CRIM1: variants seen among roughly 807,000 people sequenced by gnomAD.
CRIM1 encodes the protein cysteine rich transmembrane BMP regulator 1.
Under a neutral mutation model 116.4 loss-of-function variants are expected in CRIM1, and 32 were observed. That is an observed-to-expected ratio of 0.27 (90% CI 0.21 to 0.37). The LOEUF (loss-of-function observed/expected upper bound fraction) is 0.37. Among genes scored for constraint, CRIM1 ranks in the 10% least tolerant of loss-of-function variants. CRIM1 has a pLI of 1.00. For missense variants in CRIM1, 1,331 were observed against 1,354.8 expected (o/e 0.98, Z 0.28); for synonymous variants, 590 against 509.2 (o/e 1.16, Z -2.13).
At chr2:36,445,979 G>A in intron 4 of CRIM1, among the ~76,000 whole-genome samples, 1 of 152,168 alleles carries the variant, frequency 6.6e-6, no homozygotes, top group East Asian at 1.9e-4. Flanking sequence ...TAAGAGCATT[G>A]TTAAGAAATT....
At chr2:36,462,736 G>T (rs745380916) in intron 4 of CRIM1, among the ~76,000 whole-genome samples, 1 of 152,154 alleles carries the variant, frequency 6.6e-6, no homozygotes, top group Non-Finnish European at 1.5e-5. Flanking sequence ...CAGTATTCTA[G>T]CCCCATTTAT....
intron 1 of CRIM1, among the ~76,000 whole-genome samples, chr2:36,360,625 G>C (rs553646014): frequency 6.6e-6 from 1 of 152,224 alleles, no homozygotes; most frequent in African/African-American, 2.4e-5. Flanking sequence ...CTTATCCCTG[G>C]AAGACAGTCA....
intron 2 of CRIM1, among the ~76,000 whole-genome samples, chr2:36,403,211 A>C (rs556200094): frequency 6.6e-6 from 1 of 152,222 alleles, no homozygotes; most frequent in Non-Finnish European, 1.5e-5. Flanking sequence ...TGTGGAACCT[A>C]GTGCTGCTTG....
At chr2:36,372,245 T>C (rs1487109014) in intron 1 of CRIM1, among the ~76,000 whole-genome samples, 2 of 152,182 alleles carry the variant, frequency 1.3e-5, no homozygotes, top group African/African-American at 4.8e-5. Context: ...GAATGCACTT[T>C]AAGGCATTTA....
intron 1 of CRIM1, among the ~76,000 whole-genome samples, chr2:36,388,105 A>G (rs1247931085): frequency 6.6e-6 from 1 of 152,158 alleles, no homozygotes; most frequent in Non-Finnish European, 1.5e-5. Flanking sequence ...CTCACATTAA[A>G]AAATCTTTTT....
At chr2:36,481,311 T>G (rs1243749837) in intron 7 of CRIM1, among the ~76,000 whole-genome samples, 1 of 152,180 alleles carries the variant, frequency 6.6e-6, no homozygotes, top group Non-Finnish European at 1.5e-5. Context: ...TTTATTACCA[T>G]TTTCTTAGCA....
In CRIM1 at chr2:36,537,374, G is replaced by A. The variant is rs760538593; in HGVS notation, c.2451G>A (p.Val817=). 2 of 1,614,094 alleles carry A rather than the reference G, an allele frequency of 1.2e-6. No individual in the cohort carries two copies. The highest frequency in any genetic ancestry group is 2.7e-5 in the African/African-American group (2 of 74,938). The change falls in exon 14 of 17, where the codon GTG becomes GTA. Residue 817 remains valine, a synonymous_variant. Coordinates refer to ENST00000280527, the MANE Select transcript of CRIM1 (RefSeq NM_016441.3). ...TAGAAGACACAATTCCAAAGAAGGTGGTGTGCCACTTCAGTGGGAAGGCCT... is the reference window on the plus strand; with the variant it reads ...TAGAAGACACAATTCCAAAGAAGGTAGTGTGCCACTTCAGTGGGAAGGCCT... The part of the protein sequence containing the change: ...YCIEDTIPKK[V]VCHFSGKAYA...
chr2:36,387,060 A>G (rs961367024), intron 1 of CRIM1, among the ~76,000 whole-genome samples: 1 of 152,216 alleles, frequency 6.6e-6, no homozygotes, highest in African/African-American at 2.4e-5. Context: ...CGGGTACTCA[A>G]ATGACTGCAT....
At chr2:36,430,850 C>G (rs60841727) in intron 2 of CRIM1, among the ~76,000 whole-genome samples, 1 of 152,218 alleles carries the variant, frequency 6.6e-6, no homozygotes, top group Non-Finnish European at 1.5e-5. Context: ...CCTTACCATT[C>G]TATGCCATCT....
intron 4 of CRIM1, among the ~76,000 whole-genome samples, chr2:36,463,100 C>T (rs1307228128): frequency 1.3e-5 from 2 of 152,180 alleles, no homozygotes; most frequent in Non-Finnish European, 2.9e-5. Context: ...ATAGAACTGC[C>T]ACCCCACATG....
At chr2:36,547,275 C>G (rs895034281) in intron 16 of CRIM1, 104 bp downstream of exon 16, 2 of 898,824 alleles carry the variant, frequency 2.2e-6, no homozygotes, top group Admixed American at 4.5e-5. Context: ...GAAGTTTTTA[C>G]TTTGCTCTTC....
chr2:36,436,034 G>C (rs1371817691), intron 2 of CRIM1, among the ~76,000 whole-genome samples: 1 of 151,362 alleles, frequency 6.6e-6, no homozygotes, highest in East Asian at 2.0e-4. Context: ...AGAGTTAGGA[G>C]AGACTTCAAA....
chr2:36,457,708 C>T (rs1319240871), intron 4 of CRIM1, among the ~76,000 whole-genome samples: 1 of 151,674 alleles, frequency 6.6e-6, no homozygotes, highest in Non-Finnish European at 1.5e-5. Flanking sequence ...AGGGTTGGAC[C>T]CTCAGATAGG....
chr2:36,425,026 A>G (rs902471941), intron 2 of CRIM1, among the ~76,000 whole-genome samples: 1 of 152,156 alleles, frequency 6.6e-6, no homozygotes, highest in Non-Finnish European at 1.5e-5. Context: ...GATGAAAATA[A>G]TTGTCCAAAT....
chr2:36,367,168 G>A (rs898553662), intron 1 of CRIM1, among the ~76,000 whole-genome samples: 2 of 152,090 alleles, frequency 1.3e-5, no homozygotes, highest in African/African-American at 4.8e-5. Flanking sequence ...AGACAGAATG[G>A]GTATACTGTG....
At chr2:36,429,141 C>A (rs1674679202) in intron 2 of CRIM1, among the ~76,000 whole-genome samples, 1 of 152,192 alleles carries the variant, frequency 6.6e-6, no homozygotes, top group African/African-American at 2.4e-5. Flanking sequence ...GGAGCCCAAT[C>A]CCCATAACAT....
chr2:36,393,129 T>G (rs1008962400), intron 1 of CRIM1, among the ~76,000 whole-genome samples: 3 of 152,156 alleles, frequency 2.0e-5, no homozygotes, highest in African/African-American at 7.2e-5. Context: ...AGCTGTGAGA[T>G]GGGCTGCTTG....
At chr2:36,434,443 G>A (rs371515131) in intron 2 of CRIM1, among the ~76,000 whole-genome samples, 6 of 152,198 alleles carry the variant, frequency 3.9e-5, no homozygotes, top group East Asian at 1.9e-4. Context: ...CATTATGGAC[G>A]ACTAGTGGGA....
intron 2 of CRIM1, among the ~76,000 whole-genome samples, chr2:36,429,584 A>G (rs1334771488): frequency 1.3e-5 from 2 of 152,234 alleles, no homozygotes. Context: ...AAGAGAGACC[A>G]GCACACAGAA....
Sources: gnomAD v4.1 joint callset for allele counts (sites outside exome capture counted in the v4.1 genomes callset) on GRCh38, gnomAD v4.1.1 for gene constraint, MANE v1.5 for transcripts, NCBI Gene and HGNC (gene_info 2026-07-23, HGNC 2026-07-21) for gene names.